PLA2G3: variants seen among roughly 807,000 people sequenced by gnomAD.
PLA2G3 encodes group 3 secretory phospholipase A2.
In PLA2G3, 39 loss-of-function variants were observed where a neutral mutation model predicts 51.3. The observed-to-expected ratio is 0.76, with a 90% confidence interval of 0.59 to 0.99. PLA2G3 has a LOEUF of 0.99. Ranked by LOEUF, PLA2G3 falls within the 50% of genes least tolerant of loss-of-function variation. The pLI is 0.00. For missense variants in PLA2G3, 677 were observed against 662.1 expected (o/e 1.02, Z -0.25); for synonymous variants, 293 against 263.1 (o/e 1.11, Z -1.10).
At chr22:31,136,583 G>T (rs977879729) in intron 6 of PLA2G3, 100 bp downstream of exon 6, 8 of 924,570 alleles carry the variant, frequency 8.7e-6, no homozygotes, top group Non-Finnish European at 1.4e-5. Flanking sequence ...GAGGTCTCCG[G>T]ATCCCTTCCC....
chr22:31,138,621 C>T (rs1922729506), intron 2 of PLA2G3, 46 bp downstream of exon 2: 1 of 1,611,192 alleles, frequency 6.2e-7, no homozygotes, highest in Non-Finnish European at 8.5e-7. Context: ...AACTGGGTAA[C>T]TCTGCCCTGT....
rs776928282 is a variant in PLA2G3 at position 31,138,830 on chromosome 22, C to A, written c.515-31G>T. ...GGGAGGGGAGGGGAGAGGGCACCAA[C>A]TCAGCAGGGTCCTAGGCATCATGCA... On this transcript the variant is annotated intron_variant, in intron 1 of 6. Coordinates refer to ENST00000215885, the MANE Select transcript of PLA2G3 (RefSeq NM_015715.5). 3 of 1,612,744 alleles carry A rather than the reference C, an allele frequency of 1.9e-6. No individual in the cohort carries two copies. In the South Asian group the frequency reaches 3.3e-5, roughly 18 times the overall value.
chr22:31,139,768 A>T, intron 1 of PLA2G3, 73 bp downstream of exon 1: 1 of 1,026,732 alleles, frequency 9.7e-7, no homozygotes, highest in Non-Finnish European at 1.5e-6. Flanking sequence ...AGCCTAGGAG[A>T]GTAAGGGCTG....
In PLA2G3 at chr22:31,140,163, C is replaced by T. The variant is rs377694018; in HGVS notation, c.192G>A (p.Ala64=). ...GLALIHARWD[A]HRRLQSCSWE... ...AGCTACATGACTGCAGCCTCCTATG[C>T]GCATCCCAGCGGGCATGGATCAGGG... Residue 64 remains alanine, a synonymous_variant, in exon 1 of 7, where the codon GCG becomes GCA. Coordinates refer to ENST00000215885, the MANE Select transcript of PLA2G3 (RefSeq NM_015715.5). The T allele has an allele frequency of 7.4e-6, 12 of 1,612,338 alleles. No individual in the cohort carries two copies. Among genetic ancestry groups the T allele is most frequent in the Admixed American group, 6.7e-5 (4 of 60,004 alleles).
chr22:31,136,035 G>A lies in PLA2G3; in HGVS notation c.1317-99C>T, dbSNP rs781337948. The A allele has an allele frequency of 5.9e-4, 576 of 968,702 alleles. 1 individual carries two copies. The highest frequency in any genetic ancestry group is 7.8e-4 in the Non-Finnish European group (496 of 638,164). 60.0% of individuals were successfully genotyped at this position (968,702 alleles called of 1,614,324 possible). Reference sequence around the variant, plus strand: ...GAGGCCCAGAGAGAGAGGGGGCTGGGGCCACAGTCACCAGCAAGGCAGAGA... The same window carrying A: ...GAGGCCCAGAGAGAGAGGGGGCTGGAGCCACAGTCACCAGCAAGGCAGAGA... On this transcript the variant is annotated intron_variant, in intron 6 of 6. Coordinates refer to ENST00000215885, the MANE Select transcript of PLA2G3 (RefSeq NM_015715.5).
Position 31,138,354 on chromosome 22 carries a change from GC to G in PLA2G3, c.703del (p.Ala235ProfsTer118), listed in dbSNP as rs776896627. 2 of 1,613,830 alleles carry G rather than the reference GC, an allele frequency of 1.2e-6. No individual in the cohort carries two copies. The highest frequency in any genetic ancestry group is 2.7e-5 in the African/African-American group (2 of 74,936). The part of the protein sequence containing the change: ...HDSISDIVGV[A>X]FFNVLEIPCF... ...GGGGATCTCCAGCACGTTGAAGAAGGCCACGCCCACGATGTCCGAGATGGAG... is the reference window on the plus strand; with the variant it reads ...GGGGATCTCCAGCACGTTGAAGAAGGCACGCCCACGATGTCCGAGATGGAG... On this transcript the variant is annotated frameshift_variant, in exon 3 of 7. Transcript: ENST00000215885. LOFTEE classifies it high-confidence loss of function.
intron 4 of PLA2G3, among the ~76,000 whole-genome samples, 181 bp downstream of exon 4, chr22:31,137,529 C>T (rs1922646157): frequency 6.6e-6 from 1 of 152,066 alleles, no homozygotes; most frequent in African/African-American, 2.4e-5. Context: ...CACAGTGGGG[C>T]CTGATGTGGT....
chr22:31,138,771 GCAA>G lies in PLA2G3; in HGVS notation c.540_542del (p.Cys181del). On this transcript the variant is annotated inframe_deletion, in exon 2 of 7. Coordinates refer to ENST00000215885, the MANE Select transcript of PLA2G3 (RefSeq NM_015715.5). ...TCTGTGGGCAGCGGTCATGTTCCCG[GCAA>G]CAGAGATCAGGTCCCTGGAAGACCC... 1 of 1,614,084 alleles carries G rather than the reference GCAA, an allele frequency of 6.2e-7. No homozygotes were observed. The highest frequency in any genetic ancestry group is 1.1e-5 in the South Asian group (1 of 91,080).
In PLA2G3 at chr22:31,139,921, T is replaced by C. The variant is rs1427210642; in HGVS notation, c.434A>G (p.Gln145Arg). 5.0e-6 allele frequency: 8 copies of C among 1,613,918 alleles called. No homozygotes were observed. Among genetic ancestry groups the C allele is most frequent in the Non-Finnish European group, 2.5e-6 (3 of 1,180,020 alleles). ...CATGGTCCATCCTCTCTTCTCTCGC[T>C]GGTGCCCTCCACCAGGGACTCCACT... ...GQSGVPGGGH[Q>R]REKRGWTMPG... is the part of the protein sequence containing the mutation. The change falls in exon 1 of 7, where the codon CAG becomes CGG. Residue 145 changes from glutamine (Q) to arginine (R), a missense_variant. Gln to Arg is a conservative substitution (Grantham distance 43). Coordinates refer to ENST00000215885, the MANE Select transcript of PLA2G3 (RefSeq NM_015715.5).
At chr22:31,138,434 AC>A (rs765462596) in intron 2 of PLA2G3, 24 bp from the exon 3 acceptor site, 1 of 1,611,258 alleles carries the variant, frequency 6.2e-7, no homozygotes, top group South Asian at 1.1e-5. Context: ...GATACCCAGG[AC>A]CCTGGGGCAT....
intron 6 of PLA2G3, 107 bp from the exon 7 acceptor site, chr22:31,136,043 T>C: frequency 1.1e-6 from 1 of 886,226 alleles, no homozygotes; most frequent in Non-Finnish European, 1.8e-6. Context: ...GGGGCCACAG[T>C]CACCAGCAAG....
In PLA2G3 at chr22:31,140,161, T is replaced by C. The variant is rs1922813848; in HGVS notation, c.194A>G (p.His65Arg). The change falls in exon 1 of 7, where the codon CAT (histidine) becomes CGT (arginine). Residue 65 changes from histidine to arginine, a missense_variant. Transcript: ENST00000215885. ...CCAGCTACATGACTGCAGCCTCCTA[T>C]GCGCATCCCAGCGGGCATGGATCAG... ...LALIHARWDA[H>R]RRLQSCSWED... 6.2e-7 allele frequency: 1 copy of C among 1,612,538 alleles called. No individual in the cohort carries two copies. The highest frequency in any genetic ancestry group is 8.5e-7 in the Non-Finnish European group (1 of 1,179,944).
chr22:31,137,700 C>G lies in PLA2G3; in HGVS notation c.1066+10G>C, dbSNP rs895190447. The G allele has an allele frequency of 1.3e-6, 2 of 1,589,948 alleles. No homozygotes were observed. Among genetic ancestry groups the G allele is most frequent in the South Asian group, 2.3e-5 (2 of 86,420 alleles). ...TGTCAGGAACCCCCAAGGTTAGGTT[C>G]TGAGCTCACCCTGAGGTTTTAGGCC... is the stretch of plus-strand genomic sequence containing the variant. On this transcript the variant is annotated intron_variant, in intron 4 of 6. Coordinates refer to ENST00000215885, the MANE Select transcript of PLA2G3 (RefSeq NM_015715.5).
intron 6 of PLA2G3, 32 bp downstream of exon 6, chr22:31,136,651 C>A (rs564815663): frequency 6.4e-7 from 1 of 1,573,722 alleles, no homozygotes; most frequent in South Asian, 1.1e-5. Flanking sequence ...TTGAGAAAAC[C>A]CCCCATCCCT....
chr22:31,140,467 G>C lies in PLA2G3; in HGVS notation c.-113C>G, dbSNP rs551374117. ...AAGCGGAGCCCAGCAGGCCCGGTGCGGCGGGACCAATGAATGGAGCTGCGG... is the reference window on the plus strand; with the variant it reads ...AAGCGGAGCCCAGCAGGCCCGGTGCCGCGGGACCAATGAATGGAGCTGCGG... On this transcript the variant is annotated 5_prime_UTR_variant, in exon 1 of 7. Transcript: ENST00000215885. 26 of 1,237,982 alleles carry C rather than the reference G, an allele frequency of 2.1e-5. No homozygotes were observed. The African/African-American group carries it at 2.9e-4, about 14-fold the overall frequency. 76.7% of individuals were successfully genotyped at this position (1,237,982 alleles called of 1,614,324 possible). A position where few individuals can be genotyped will look rare whatever the true frequency, so the allele number is the denominator to read the frequency against.
chr22:31,137,816 G>A lies in PLA2G3; in HGVS notation c.960C>T (p.Arg320=), dbSNP rs1448608278. ...GGGCTGTGGTGTTGGCTTTGCTGGG[G>A]CGCTTGGACCCTTTCTGATGTGGTG... ...KGPPHQKGSK[R]PSKANTTALQ... is the part of the protein sequence containing the mutation. Residue 320 remains arginine, a synonymous_variant, in exon 4 of 7, where the codon CGC becomes CGT. Coordinates refer to ENST00000215885, the MANE Select transcript of PLA2G3 (RefSeq NM_015715.5). 1.5e-5 allele frequency: 25 copies of A among 1,614,132 alleles called. No individual in the cohort carries two copies. Among genetic ancestry groups the A allele is most frequent in the Non-Finnish European group, 1.9e-5 (22 of 1,180,018 alleles).
chr22:31,139,826 C>G lies in PLA2G3; in HGVS notation c.514+15G>C. On this transcript the variant is annotated intron_variant, in intron 1 of 6. Coordinates refer to ENST00000215885, the MANE Select transcript of PLA2G3 (RefSeq NM_015715.5). ...CCGATCGGACCCCCCAGCCCACACACCCCTCATGGCTCACCCAGCTCCGAG... is the reference window on the plus strand; with the variant it reads ...CCGATCGGACCCCCCAGCCCACACAGCCCTCATGGCTCACCCAGCTCCGAG... 6.3e-7 allele frequency: 1 copy of G among 1,596,456 alleles called. No homozygotes were observed.
intron 2 of PLA2G3, 50 bp from the exon 3 acceptor site, chr22:31,138,460 C>T: frequency 6.2e-7 from 1 of 1,600,874 alleles, no homozygotes; most frequent in Non-Finnish European, 8.5e-7. Flanking sequence ...GGCTGTCTGG[C>T]TCCTCCCACA....
In PLA2G3 at chr22:31,140,360, A is replaced by C; in HGVS notation, c.-6T>G. ...AGCCCTGCCTGAACCCCCATTCTGCACTGGCCCAGTCCAGTCAGACAAAGC... is the reference window on the plus strand; with the variant it reads ...AGCCCTGCCTGAACCCCCATTCTGCCCTGGCCCAGTCCAGTCAGACAAAGC... On this transcript the variant is annotated 5_prime_UTR_variant, in exon 1 of 7. Coordinates refer to ENST00000215885, the MANE Select transcript of PLA2G3 (RefSeq NM_015715.5). 1 of 1,582,614 alleles carries C rather than the reference A, an allele frequency of 6.3e-7. No homozygotes were observed.
Sources: allele counts gnomAD v4.1 joint callset (sites outside exome capture counted in the v4.1 genomes callset), GRCh38; gene constraint gnomAD v4.1.1; transcripts MANE v1.5; gene names NCBI Gene and HGNC (gene_info 2026-07-23, HGNC 2026-07-21).